The following ANKS1B variants were observed in gnomAD, a reference collection of about 807,000 sequenced individuals.
The protein encoded by ANKS1B is ankyrin repeat and sterile alpha motif domain containing 1B, also known as ankyrin repeat and sterile alpha motif domain-containing protein 1B.
In ANKS1B, 36 loss-of-function variants were observed where a neutral mutation model predicts 148.3. The ratio of observed to expected loss-of-function variants is 0.24; its 90% CI spans 0.19 to 0.32. ANKS1B has a LOEUF of 0.32. ANKS1B is among the 10% of genes least tolerant of loss of function. ANKS1B has a pLI of 1.00. For synonymous variants in ANKS1B, 542 were observed against 560.8 expected (o/e 0.97, Z 0.47); for missense variants, 1,157 against 1,542.6 (o/e 0.75, Z 4.19).
intron 15 of ANKS1B, among the ~76,000 whole-genome samples, chr12:99,118,522 C>G (rs1466098993): frequency 6.6e-6 from 1 of 152,104 alleles, no homozygotes; most frequent in African/African-American, 2.4e-5. Flanking sequence ...GTCGCTAACT[C>G]AAACCTTTTC....
chr12:99,340,518 G>T (rs1213511119), intron 12 of ANKS1B, among the ~76,000 whole-genome samples: 1 of 151,646 alleles, frequency 6.6e-6, no homozygotes, highest in Non-Finnish European at 1.5e-5. Flanking sequence ...AACCTAGATG[G>T]TATATATTTT....
intron 1 of ANKS1B, among the ~76,000 whole-genome samples, chr12:99,879,166 A>C (rs1603427784): frequency 6.6e-6 from 1 of 152,182 alleles, no homozygotes; most frequent in Admixed American, 6.5e-5. Flanking sequence ...CCCACATGTC[A>C]GTATCTACAG....
intron 12 of ANKS1B, among the ~76,000 whole-genome samples, chr12:99,329,238 A>T (rs1026964526): frequency 1.3e-5 from 2 of 151,960 alleles, no homozygotes; most frequent in African/African-American, 4.8e-5. Flanking sequence ...TTTTCATTTA[A>T]CATTATGTTG....
chr12:99,832,314 A>G (rs1358165900), intron 1 of ANKS1B, among the ~76,000 whole-genome samples: 1 of 152,176 alleles, frequency 6.6e-6, no homozygotes, highest in African/African-American at 2.4e-5. Context: ...AGGGTCTGGA[A>G]TGGTGGCTCA....
chr12:99,460,470 A>G (rs1397740619), intron 10 of ANKS1B, among the ~76,000 whole-genome samples: 1 of 152,180 alleles, frequency 6.6e-6, no homozygotes, highest in East Asian at 1.9e-4. Context: ...TCAGCAGAGT[A>G]AACAGACAAC....
At chr12:99,156,932 T>G (rs1022638434) in intron 14 of ANKS1B, among the ~76,000 whole-genome samples, 2 of 152,172 alleles carry the variant, frequency 1.3e-5, no homozygotes, top group African/African-American at 4.8e-5. Context: ...TTAAAAAAAG[T>G]TTTAACTCTA....
At chr12:99,514,805 T>C (rs2096799881) in intron 9 of ANKS1B, among the ~76,000 whole-genome samples, 1 of 152,042 alleles carries the variant, frequency 6.6e-6, no homozygotes, top group African/African-American at 2.4e-5. Context: ...TTCCCTGCAC[T>C]GGGAAACGTT....
chr12:99,406,289 A>G (rs1427869649), intron 11 of ANKS1B, among the ~76,000 whole-genome samples: 1 of 146,030 alleles, frequency 6.8e-6, no homozygotes, highest in East Asian at 1.9e-4. Flanking sequence ...CAAGTCTTAA[A>G]AAAACTAAAA....
intron 1 of ANKS1B, among the ~76,000 whole-genome samples, chr12:99,901,702 C>G (rs141319338): frequency 6.6e-6 from 1 of 152,152 alleles, no homozygotes; most frequent in Admixed American, 6.6e-5. Flanking sequence ...ACTGCTGATG[C>G]CAACATCAGT....
chr12:98,747,664 T>C lies in ANKS1B; in HGVS notation c.3748-1815A>G, dbSNP rs551366048. 4.6e-5 allele frequency among the ~76,000 whole-genome samples: 7 copies of C among 152,358 alleles called. No homozygotes were observed. The South Asian group carries it at 1.0e-3, about 23-fold the overall frequency. On this transcript the variant is annotated intron_variant, in intron 26 of 26. Coordinates refer to ENST00000683438, the MANE Select transcript of ANKS1B (RefSeq NM_001352186.2). The stretch of plus-strand genomic sequence containing the variant: ...AGAGATATCTGCACTCCCATGTTTA[T>C]TGCAGAATTATTCACAGCAGCCAAG...
chr12:98,968,566 T>C (rs565048863), intron 17 of ANKS1B, among the ~76,000 whole-genome samples: 27 of 152,290 alleles, frequency 1.8e-4, no homozygotes, highest in Non-Finnish European at 3.4e-4. Context: ...TAGAGAAGAA[T>C]GAAAAACGCA....
At chr12:99,933,353 G>C (rs990269178) in intron 1 of ANKS1B, among the ~76,000 whole-genome samples, 1 of 152,124 alleles carries the variant, frequency 6.6e-6, no homozygotes, top group Non-Finnish European at 1.5e-5. Flanking sequence ...GCTTTGGGTA[G>C]TATGGACATT....
chr12:98,919,807 A>G (rs941249384), intron 17 of ANKS1B, among the ~76,000 whole-genome samples: 1 of 152,288 alleles, frequency 6.6e-6, no homozygotes, highest in South Asian at 2.1e-4. Flanking sequence ...TACTTCGGCT[A>G]TATTTCCAAA....
At chr12:99,473,838 C>A (rs1327196889) in intron 10 of ANKS1B, among the ~76,000 whole-genome samples, 1 of 151,956 alleles carries the variant, frequency 6.6e-6, no homozygotes, top group Non-Finnish European at 1.5e-5. Flanking sequence ...ACATCTTTCC[C>A]AGTTTGTGGC....
At chr12:98,957,168 G>A (rs1007008687) in intron 17 of ANKS1B, among the ~76,000 whole-genome samples, 5 of 152,046 alleles carry the variant, frequency 3.3e-5, no homozygotes, top group African/African-American at 9.6e-5. Flanking sequence ...TATCCCAAAA[G>A]GGAAAAAAGC....
At chr12:98,823,347 T>A (rs897545550) in intron 19 of ANKS1B, among the ~76,000 whole-genome samples, 12 of 152,252 alleles carry the variant, frequency 7.9e-5, no homozygotes, top group African/African-American at 2.4e-4. Context: ...GAAGGAAATG[T>A]TGAAATCATG....
intron 17 of ANKS1B, among the ~76,000 whole-genome samples, chr12:98,880,629 G>A (rs969518382): frequency 3.9e-5 from 6 of 152,072 alleles, no homozygotes; most frequent in African/African-American, 7.2e-5. Context: ...TTAGCTGGGC[G>A]TGGTGGCGGG....
At chr12:99,883,235 G>A (rs936370317) in intron 1 of ANKS1B, among the ~76,000 whole-genome samples, 2 of 152,100 alleles carry the variant, frequency 1.3e-5, no homozygotes, top group Non-Finnish European at 2.9e-5. Flanking sequence ...GCCTACAAAA[G>A]TATGATCAAT....
chr12:99,190,091 T>C (rs1268333883), intron 14 of ANKS1B, among the ~76,000 whole-genome samples: 1 of 152,140 alleles, frequency 6.6e-6, no homozygotes, highest in Non-Finnish European at 1.5e-5. Flanking sequence ...CCATTCACAA[T>C]TGCTACAAAG....
Sources: gnomAD v4.1 joint callset for allele counts (sites outside exome capture counted in the v4.1 genomes callset) on GRCh38, gnomAD v4.1.1 for gene constraint, MANE v1.5 for transcripts, NCBI Gene and HGNC (gene_info 2026-07-23, HGNC 2026-07-21) for gene names.